Variants in CACNA1A observed in about 807,000 individuals in gnomAD.
CACNA1A encodes the protein voltage-dependent P/Q-type calcium channel subunit alpha-1A.
CACNA1A carries 57 observed loss-of-function variants against 262.4 expected under a neutral mutation model. The ratio of observed to expected loss-of-function variants is 0.22; its 90% CI spans 0.18 to 0.27. The LOEUF is 0.27. Among genes scored for constraint, CACNA1A ranks in the 10% least tolerant of loss-of-function variants. The probability of loss-of-function intolerance (pLI) is 1.00; values close to 1 mark genes in which losing one functional copy is unlikely to be tolerated. For synonymous variants in CACNA1A, 1,431 were observed against 1,419.3 expected (o/e 1.01, Z -0.18); for missense variants, 2,526 against 3,562.8 (o/e 0.71, Z 7.41).
intron 1 of CACNA1A, among the ~76,000 whole-genome samples, chr19:13,484,509 A>C (rs887112174): frequency 6.6e-6 from 1 of 152,188 alleles, no homozygotes; most frequent in African/African-American, 2.4e-5. Context: ...AATTTCTTTT[A>C]ATCTGATCAA....
chr19:13,260,294 G>C (rs2056694503), intron 26 of CACNA1A: 1 of 146,908 alleles, frequency 6.8e-6, no homozygotes, highest in African/African-American at 2.5e-5. Context: ...ATGTGTGTGT[G>C]CGTGTACATA....
At chr19:13,428,445 G>C (rs2060444197) in intron 3 of CACNA1A, among the ~76,000 whole-genome samples, 1 of 152,198 alleles carries the variant, frequency 6.6e-6, no homozygotes, top group African/African-American at 2.4e-5. Flanking sequence ...ACCTCAGTGA[G>C]CAATTTTGGA....
intron 24 of CACNA1A, 165 bp from the exon 25 acceptor site, chr19:13,262,998 CTGTTAAGCT>C: frequency 1.6e-6 from 1 of 622,142 alleles, no homozygotes; most frequent in Non-Finnish European, 2.9e-6. Context: ...TCCATTTCAC[CTGTTAAGCT>C]TGGGCTCGGG....
chr19:13,334,709 C>T (rs1036204511), intron 7 of CACNA1A, among the ~76,000 whole-genome samples: 1 of 151,730 alleles, frequency 6.6e-6, no homozygotes, highest in Non-Finnish European at 1.5e-5. Flanking sequence ...GTGCTTCTGC[C>T]AGCTTCACAC....
At chr19:13,327,015 A>G (rs1228763080) in intron 10 of CACNA1A, among the ~76,000 whole-genome samples, 1 of 151,520 alleles carries the variant, frequency 6.6e-6, no homozygotes, top group Non-Finnish European at 1.5e-5. Context: ...CAGCCTCACG[A>G]GTAGCTGGGA....
In CACNA1A at chr19:13,283,249, G is replaced by A. The variant is rs2057330768; in HGVS notation, c.3822+18C>T. 6.2e-7 allele frequency: 1 copy of A among 1,612,152 alleles called. No homozygotes were observed. Among genetic ancestry groups the A allele is most frequent in the South Asian group, 1.1e-5 (1 of 91,006 alleles). ...CAGAGCAGCCAGGCTAGGAAGGGGT[G>A]TGCTCTGTGGGACTCACGTTGTTCC... On this transcript the variant is annotated intron_variant, in intron 22 of 46. Coordinates refer to ENST00000360228, the MANE Select transcript of CACNA1A (RefSeq NM_001127222.2).
At chr19:13,346,647 TATATATATATATATATA>T (rs2058781067) in intron 6 of CACNA1A, among the ~76,000 whole-genome samples, 6 of 6,282 alleles carry the variant, frequency 9.6e-4, no homozygotes, top group African/African-American at 2.9e-3. Flanking sequence ...TATATATATA[TATATATATATATATATA>T]TATTTTTTTT....
chr19:13,321,763 A>G (rs899099393), intron 10 of CACNA1A, among the ~76,000 whole-genome samples: 2 of 152,162 alleles, frequency 1.3e-5, no homozygotes, highest in African/African-American at 4.8e-5. Context: ...TGGAGCTTGC[A>G]GGACTGGAAG....
intron 3 of CACNA1A, among the ~76,000 whole-genome samples, chr19:13,374,396 C>T (rs2059371175): frequency 6.6e-6 from 1 of 151,854 alleles, no homozygotes; most frequent in Non-Finnish European, 1.5e-5. Flanking sequence ...TACAGGTGTA[C>T]AACAACATAT....
chr19:13,345,893 GTCTTT>G (rs1225505364), intron 6 of CACNA1A, among the ~76,000 whole-genome samples: 4 of 87,502 alleles, frequency 4.6e-5, no homozygotes, highest in Non-Finnish European at 2.1e-5. Context: ...TGTTCACGAA[GTCTTT>G]TTTTTTTTTT....
intron 24 of CACNA1A, among the ~76,000 whole-genome samples, chr19:13,263,661 C>G (rs2056793613): frequency 6.6e-6 from 1 of 152,068 alleles, no homozygotes; most frequent in South Asian, 2.1e-4. Context: ...GCTGGGACTA[C>G]AGGTGCGTGC....
chr19:13,258,185 A>G (rs1221469887), intron 27 of CACNA1A: 1 of 152,188 alleles, frequency 6.6e-6, no homozygotes, highest in East Asian at 1.9e-4. Flanking sequence ...GAGGTTCAGC[A>G]ATTTAAAGGG....
chr19:13,382,229 A>G (rs1452712282), intron 3 of CACNA1A, among the ~76,000 whole-genome samples: 1 of 152,170 alleles, frequency 6.6e-6, no homozygotes, highest in East Asian at 1.9e-4. Context: ...GGACAGCATT[A>G]TCGCAGAGCT....
At chr19:13,279,443 G>C (rs2057231142) in intron 22 of CACNA1A, among the ~76,000 whole-genome samples, 1 of 151,986 alleles carries the variant, frequency 6.6e-6, no homozygotes, top group South Asian at 2.1e-4. Context: ...GGAAGAACAG[G>C]AGTTCCCATG....
chr19:13,226,076 T>C (rs2055426264), intron 37 of CACNA1A: 1 of 152,024 alleles, frequency 6.6e-6, no homozygotes, highest in Admixed American at 6.6e-5. Flanking sequence ...ATTGCAACAA[T>C]TTTCCAACAG....
At position 13,339,090 on chromosome 19, in the gene CACNA1A, T is replaced by C. The variant is rs2058629495; in HGVS notation, c.979-3181A>G. Among the ~76,000 whole-genome samples, 3 of 152,160 alleles carry C rather than the reference T, an allele frequency of 2.0e-5. No homozygotes were observed. The South Asian group carries it at 6.2e-4, about 32-fold the overall frequency. ...CATGTTGGTCAGGCTGGTCTTGAACTCCTCACCTCCTGATCTGCCTGCCTT... is the reference window on the plus strand; with the variant it reads ...CATGTTGGTCAGGCTGGTCTTGAACCCCTCACCTCCTGATCTGCCTGCCTT... On this transcript the variant is annotated intron_variant, in intron 6 of 46. Transcript: ENST00000360228.
At chr19:13,208,630 A>T in intron 46 of CACNA1A, 126 bp downstream of exon 46, 2 of 1,223,678 alleles carry the variant, frequency 1.6e-6, no homozygotes, top group Middle Eastern at 2.8e-4. Flanking sequence ...TGGGGGCAGG[A>T]TGGGAGGTGG....
intron 3 of CACNA1A, among the ~76,000 whole-genome samples, chr19:13,409,763 C>T (rs1317165918): frequency 7.9e-5 from 12 of 152,020 alleles, no homozygotes; most frequent in African/African-American, 1.7e-4. Flanking sequence ...AGGCTGATCT[C>T]GAACTCCTGA....
chr19:13,483,984 T>G (rs1979671475), intron 1 of CACNA1A, among the ~76,000 whole-genome samples: 1 of 152,158 alleles, frequency 6.6e-6, no homozygotes, highest in Admixed American at 6.5e-5. Flanking sequence ...CCTTTTAAAT[T>G]GGCCAGGAGC....
Sources: gnomAD v4.1 joint callset for allele counts (sites outside exome capture counted in the v4.1 genomes callset) on GRCh38, gnomAD v4.1.1 for gene constraint, MANE v1.5 for transcripts, NCBI Gene and HGNC (gene_info 2026-07-23, HGNC 2026-07-21) for gene names.